The following CDKL4 variants were observed in gnomAD, a reference collection of about 807,000 sequenced individuals.
CDKL4 encodes the protein cyclin dependent kinase like 4.
In CDKL4, 44 loss-of-function variants were observed where a neutral mutation model predicts 42.0. The observed-to-expected ratio is 1.05, with a 90% CI of 0.82 to 1.35. CDKL4 has a LOEUF of 1.35. Ranked by LOEUF, CDKL4 falls within the 40% of genes most tolerant of loss-of-function variation. The pLI, the probability that CDKL4 is intolerant of heterozygous loss-of-function variation, is 0.00. For missense variants in CDKL4, 393 were observed against 369.9 expected (o/e 1.06, Z -0.51); for synonymous variants, 120 against 121.6 (o/e 0.99, Z 0.09).
chr2:39,201,839 G>T (rs546695967), intron 5 of CDKL4, among the ~76,000 whole-genome samples: 1 of 152,152 alleles, frequency 6.6e-6, no homozygotes, highest in Non-Finnish European at 1.5e-5. Flanking sequence ...CAGCCGAAAG[G>T]GTCGGGCGGC....
chr2:39,219,404 C>CTTATTTATTTATTTAT (rs35984945), intron 3 of CDKL4, among the ~76,000 whole-genome samples: 8 of 148,520 alleles, frequency 5.4e-5, no homozygotes, highest in East Asian at 4.0e-4. Flanking sequence ...GAAACAGGTA[C>CTTATTTATTTATTTAT]TTATTTATTT....
At chr2:39,184,282 G>A (rs1406965781) in intron 8 of CDKL4, among the ~76,000 whole-genome samples, 1 of 152,206 alleles carries the variant, frequency 6.6e-6, no homozygotes, top group African/African-American at 2.4e-5. Context: ...GCATAGGTAA[G>A]TTTCTTCTGC....
chr2:39,197,446 A>G (rs936357693), intron 5 of CDKL4, among the ~76,000 whole-genome samples: 2 of 152,238 alleles, frequency 1.3e-5, no homozygotes, highest in African/African-American at 4.8e-5. Flanking sequence ...GCCTTGCTAG[A>G]GATCTAGACA....
chr2:39,168,185 A>T, the CDKL4 span, among the ~76,000 whole-genome samples: 9 of 152,178 alleles, frequency 5.9e-5, no homozygotes, highest in Non-Finnish European at 1.0e-4. Context: ...AATTACGATT[A>T]GGCTAATTAT....
At chr2:39,194,680 G>A (rs1037085020) in intron 5 of CDKL4, among the ~76,000 whole-genome samples, 10 of 151,952 alleles carry the variant, frequency 6.6e-5, no homozygotes, top group Non-Finnish European at 1.3e-4. Flanking sequence ...ATTTATATAA[G>A]CTCTTATCTA....
In CDKL4 at chr2:39,187,586, C is replaced by T. The variant is rs376664557; in HGVS notation, c.735+41G>A. ...TAACAACTACCTCTTTAAAGAAAGC[C>T]GCAACACAAGTAATAAAATATTCAA... is the stretch of plus-strand genomic sequence containing the variant. On this transcript the variant is annotated intron_variant, in intron 7 of 9. Coordinates refer to ENST00000451199, the Ensembl canonical transcript of CDKL4. 18 of 1,339,386 alleles carry T rather than the reference C, an allele frequency of 1.3e-5. No individual in the cohort carries two copies. In the East Asian group the frequency reaches 1.4e-4, roughly 10 times the overall value. 83.0% of individuals were successfully genotyped at this position (1,339,386 alleles called of 1,614,324 possible).
rs755689029 is a variant in CDKL4, at chr2:39,179,178, C to T, written c.927+9G>A. On this transcript the variant is annotated intron_variant, in intron 9 of 9. Transcript: ENST00000451199. The stretch of plus-strand genomic sequence containing the variant: ...TTTTTATAGCACTTTAACTTTTGAG[C>T]GGAAGTACCTGTTGGCGTCTTCTGT... 30 of 1,587,912 alleles carry T rather than the reference C, an allele frequency of 1.9e-5. No individual in the cohort carries two copies. The highest frequency in any genetic ancestry group is 1.3e-4 in the East Asian group (6 of 44,770).
intron 9 of CDKL4, among the ~76,000 whole-genome samples, chr2:39,177,314 G>A (rs1356416949): frequency 1.3e-5 from 2 of 152,152 alleles, no homozygotes; most frequent in African/African-American, 4.8e-5. Context: ...CAGATTCCCA[G>A]GTAGACAGTG....
At chr2:39,235,439 T>C (rs1679318300) in intron 1 of CDKL4, among the ~76,000 whole-genome samples, 1 of 152,130 alleles carries the variant, frequency 6.6e-6, no homozygotes, top group Non-Finnish European at 1.5e-5. Context: ...GAAAGAAAGA[T>C]GAACAAGCTT....
chr2:39,201,163 G>A (rs1558559727), intron 5 of CDKL4, among the ~76,000 whole-genome samples: 1 of 151,924 alleles, frequency 6.6e-6, no homozygotes, highest in Non-Finnish European at 1.5e-5. Context: ...GACATGAATA[G>A]ACATTCTCAA....
chr2:39,218,819 C>T (rs1008769703), intron 3 of CDKL4, among the ~76,000 whole-genome samples: 5 of 152,148 alleles, frequency 3.3e-5, no homozygotes, highest in Non-Finnish European at 7.4e-5. Flanking sequence ...ATCGGCTTTC[C>T]TGGTTCTCTA....
intron 4 of CDKL4, among the ~76,000 whole-genome samples, chr2:39,207,068 A>G (rs759171194): frequency 9.2e-5 from 14 of 152,178 alleles, no homozygotes; most frequent in Non-Finnish European, 1.8e-4. Flanking sequence ...TCTTAAAAGT[A>G]CTAAGGCCTT....
At chr2:39,195,313 T>C (rs1269338175) in intron 5 of CDKL4, among the ~76,000 whole-genome samples, 2 of 152,232 alleles carry the variant, frequency 1.3e-5, no homozygotes, top group Non-Finnish European at 2.9e-5. Flanking sequence ...TTTTTGGGTA[T>C]GTACCTAGAA....
chr2:39,211,215 C>A (rs191165785), intron 4 of CDKL4, among the ~76,000 whole-genome samples: 1 of 152,132 alleles, frequency 6.6e-6, no homozygotes, highest in Non-Finnish European at 1.5e-5. Context: ...ATAGTGAGAC[C>A]CCCATCTCTA....
exon 10 of CDKL4, chr2:39,175,733 G>T: frequency 1.0e-5 from 2 of 197,010 alleles, no homozygotes; most frequent in South Asian, 1.7e-4. Flanking sequence ...ATAGCCTCGG[G>T]AGGGGCTGCT....
At chr2:39,191,997 G>A (rs1676213440) in intron 5 of CDKL4, among the ~76,000 whole-genome samples, 1 of 152,222 alleles carries the variant, frequency 6.6e-6, no homozygotes, top group African/African-American at 2.4e-5. Context: ...TCTGGTCAGA[G>A]AACAGTCCTC....
chr2:39,205,759 CAAAAAAAA>C (rs1167041058), intron 4 of CDKL4, among the ~76,000 whole-genome samples: 1 of 78,690 alleles, frequency 1.3e-5, no homozygotes, highest in Non-Finnish European at 2.4e-5. Context: ...GACTCCGTCT[CAAAAAAAA>C]AAAAAAAAAA....
chr2:39,209,253 A>C (rs1037614435), intron 4 of CDKL4, among the ~76,000 whole-genome samples: 5 of 151,396 alleles, frequency 3.3e-5, no homozygotes, highest in African/African-American at 9.7e-5. Context: ...CTGAGGTTGC[A>C]GTGAGCCGTG....
intron 8 of CDKL4, among the ~76,000 whole-genome samples, chr2:39,180,813 C>CAGGCATGCA (rs1675398692): frequency 1.3e-5 from 2 of 151,970 alleles, no homozygotes; most frequent in African/African-American, 4.8e-5. Flanking sequence ...GCCTCAGCCT[C>CAGGCATGCA]CCAAATAGCT....
Sources: gnomAD v4.1 joint callset for allele counts (sites outside exome capture counted in the v4.1 genomes callset) on GRCh38, gnomAD v4.1.1 for gene constraint, MANE v1.5 for transcripts, NCBI Gene and HGNC (gene_info 2026-07-23, HGNC 2026-07-21) for gene names.